The following CDH10 variants were observed in gnomAD, a reference collection of about 807,000 sequenced individuals.
The protein encoded by CDH10 is cadherin-10.
In CDH10, 30 loss-of-function variants were observed where a neutral mutation model predicts 73.1. The ratio of observed to expected loss-of-function variants is 0.41; its 90% CI spans 0.31 to 0.56. The LOEUF (loss-of-function observed/expected upper bound fraction) is 0.56. CDH10 is among the 20% of genes least tolerant of loss of function. The pLI is 0.27. For missense variants in CDH10, 815 were observed against 973.7 expected (o/e 0.84, Z 2.17); for synonymous variants, 345 against 348.2 (o/e 0.99, Z 0.10).
chr5:24,569,924 C>T (rs974814729), intron 2 of CDH10, among the ~76,000 whole-genome samples: 4 of 152,004 alleles, frequency 2.6e-5, no homozygotes, highest in African/African-American at 7.3e-5. Flanking sequence ...CCACGACGCC[C>T]GGCTAATTTT....
At chr5:24,509,950 C>G (rs1466867524) in intron 6 of CDH10, 131 bp from the exon 7 acceptor site, 1 of 603,240 alleles carries the variant, frequency 1.7e-6, no homozygotes, top group Non-Finnish European at 2.8e-6. Context: ...ATAAAAAAGA[C>G]TAACACAAAT....
chr5:24,497,869 A>G (rs1742349097), intron 9 of CDH10, among the ~76,000 whole-genome samples: 1 of 152,224 alleles, frequency 6.6e-6, no homozygotes, highest in Admixed American at 6.5e-5. Context: ...AAGTACTAAA[A>G]CCAAGTCATT....
chr5:24,580,243 A>G (rs1466252399), intron 2 of CDH10, among the ~76,000 whole-genome samples: 2 of 151,942 alleles, frequency 1.3e-5, no homozygotes, highest in Non-Finnish European at 2.9e-5. Flanking sequence ...TATTATATAG[A>G]CTATATATAA....
chr5:24,629,778 G>A (rs981516432), intron 1 of CDH10, among the ~76,000 whole-genome samples: 1 of 152,088 alleles, frequency 6.6e-6, no homozygotes, highest in Non-Finnish European at 1.5e-5. Flanking sequence ...ATGATTGTAA[G>A]ATTCCTGAGG....
In CDH10 at chr5:24,505,223, G is replaced by A. The variant is rs903128657; in HGVS notation, c.1282C>T (p.Leu428Phe). 1.2e-6 allele frequency: 2 copies of A among 1,612,888 alleles called. No individual in the cohort carries two copies. Among genetic ancestry groups the A allele is most frequent in the Non-Finnish European group, 1.7e-6 (2 of 1,179,102 alleles). ...GAATGAATGTTAAAGATTCTGTCAA[G>A]GTCAGTATGGCGATCCAAGGAAAAT... ...IRFSLDRHTD[L>F]DRIFNIHSGN... Residue 428 changes from leucine to phenylalanine, a missense_variant, in exon 8 of 12, where the codon CTT becomes TTT. By Grantham distance (22) the Leu-to-Phe change is conservative (BLOSUM62 0). This residue lies in a region of CDH10 where 516 missense variants were observed against 636.6 expected (regional missense o/e 0.81). Transcript: ENST00000264463.
chr5:24,617,718 A>C (rs1747171982), intron 1 of CDH10, among the ~76,000 whole-genome samples: 2 of 152,062 alleles, frequency 1.3e-5, no homozygotes, highest in Non-Finnish European at 2.9e-5. Flanking sequence ...GCTGCTTCTA[A>C]CTCTTCATTT....
chr5:24,534,650 T>A (rs182830964), intron 5 of CDH10, among the ~76,000 whole-genome samples: 63 of 152,150 alleles, frequency 4.1e-4, no homozygotes, highest in Non-Finnish European at 7.5e-4. Context: ...AGGTTCTCGA[T>A]CTACAGTGCT....
Position 24,568,256 on chromosome 5 carries a change from T to C in CDH10, c.231+25004A>G, listed in dbSNP as rs571233400. ...AGAAATATTGGGCATGGAGAACATA[T>C]TCTTAATTTACATAAAAAGTAAAAT... On this transcript the variant is annotated intron_variant, in intron 2 of 11. Transcript: ENST00000264463. 2.0e-5 allele frequency among the ~76,000 whole-genome samples: 3 copies of C among 152,226 alleles called. No homozygotes were observed. In the East Asian group the frequency reaches 5.8e-4, roughly 29 times the overall value.
At chr5:24,501,956 T>C (rs1293552194) in intron 8 of CDH10, among the ~76,000 whole-genome samples, 6 of 152,058 alleles carry the variant, frequency 3.9e-5, no homozygotes, top group Non-Finnish European at 1.5e-5. Flanking sequence ...TCTCACTCTG[T>C]CGCCCTGGCT....
chr5:24,598,285 C>A (rs900379094), intron 1 of CDH10, among the ~76,000 whole-genome samples: 3 of 151,840 alleles, frequency 2.0e-5, no homozygotes, highest in Non-Finnish European at 4.4e-5. Flanking sequence ...GAGTTCATTA[C>A]ACATTACCTA....
chr5:24,511,634 A>G, intron 5 of CDH10, 120 bp from the exon 6 acceptor site: 1 of 606,480 alleles, frequency 1.6e-6, no homozygotes, highest in Non-Finnish European at 2.9e-6. Context: ...GTAAGACGCA[A>G]TATAATAGAT....
intron 1 of CDH10, chr5:24,613,077 G>GA (rs569809805): frequency 1.9e-4 from 28 of 151,086 alleles, no homozygotes; most frequent in Non-Finnish European, 3.2e-4. Context: ...CTTCCATATA[G>GA]AAAAAAATGT....
chr5:24,571,059 G>T (rs1028379990), intron 2 of CDH10, among the ~76,000 whole-genome samples: 12 of 152,096 alleles, frequency 7.9e-5, no homozygotes, highest in African/African-American at 2.9e-4. Flanking sequence ...TCATTTAGAG[G>T]TTTCATATTC....
chr5:24,642,298 T>C (rs570790891), intron 1 of CDH10, among the ~76,000 whole-genome samples: 103 of 152,196 alleles, frequency 6.8e-4, no homozygotes, highest in African/African-American at 2.3e-3. Flanking sequence ...TTAAGAGACA[T>C]AGGAAATCAG....
chr5:24,516,221 G>A (rs781772554), intron 5 of CDH10, among the ~76,000 whole-genome samples: 3 of 152,162 alleles, frequency 2.0e-5, no homozygotes, highest in Non-Finnish European at 2.9e-5. Context: ...TGTTCGTAGT[G>A]TATTATATCA....
chr5:24,510,224 C>A (rs140808233), intron 6 of CDH10, among the ~76,000 whole-genome samples: 1 of 152,150 alleles, frequency 6.6e-6, no homozygotes, highest in Non-Finnish European at 1.5e-5. Context: ...TACATCTATG[C>A]TGTGATGTTT....
chr5:24,551,430 A>G, intron 2 of CDH10, among the ~76,000 whole-genome samples: 1 of 152,150 alleles, frequency 6.6e-6, no homozygotes, highest in East Asian at 1.9e-4. Context: ...TAACATTGGT[A>G]ACAGTTCATT....
At chr5:24,495,841 A>G (rs1470006424) in intron 9 of CDH10, among the ~76,000 whole-genome samples, 2 of 147,870 alleles carry the variant, frequency 1.4e-5, no homozygotes, top group South Asian at 4.3e-4. Context: ...GGCAACAGGG[A>G]GCATCTTCCT....
intron 1 of CDH10, among the ~76,000 whole-genome samples, chr5:24,608,765 T>A (rs1388232408): frequency 3.3e-5 from 5 of 152,242 alleles, no homozygotes; most frequent in Non-Finnish European, 5.9e-5. Flanking sequence ...CTTTGCTATA[T>A]AATGAGGATA....
Sources: gnomAD v4.1 joint callset for allele counts (sites outside exome capture counted in the v4.1 genomes callset) on GRCh38, gnomAD v4.1.1 for gene constraint, gnomAD v4.1.1 regional missense constraint, MANE v1.5 for transcripts, NCBI Gene and HGNC (gene_info 2026-07-23, HGNC 2026-07-21) for gene names.